Variants in SRPK2 observed in about 807,000 individuals in gnomAD.
SRPK2 encodes the protein SRSF protein kinase 2.
Under a neutral mutation model 90.8 loss-of-function variants are expected in SRPK2, and 21 were observed. The observed-to-expected ratio is 0.23, with a 90% CI of 0.16 to 0.33. SRPK2 has a LOEUF of 0.33. Among genes scored for constraint, SRPK2 ranks in the 10% least tolerant of loss-of-function variants. The pLI, the probability that SRPK2 is intolerant of heterozygous loss-of-function variation, is 1.00. For missense variants in SRPK2, 620 were observed against 869.0 expected, an observed-to-expected ratio of 0.71 and a Z score of 3.60; for synonymous variants, 288 against 311.1, an observed-to-expected ratio of 0.93 and a Z score of 0.78.
chr7:105,353,544 T>TGTTGTTGTTGTA lies in SRPK2; in HGVS notation c.71+35103_71+35104insTACAACAACAAC, dbSNP rs56935575. Among the ~76,000 whole-genome samples the TGTTGTTGTTGTA allele has an allele frequency of 4.1e-4, 62 of 150,324 alleles. No individual in the cohort carries two copies. In the East Asian group the frequency reaches 8.5e-3, roughly 21 times the overall value. ...TTGTTGTTGTTGTTGTTGTTGTTGTTTGGTGGAGACAGGGTTTTGTCACGT... is the reference window on the plus strand; with the variant it reads ...TTGTTGTTGTTGTTGTTGTTGTTGTTGTTGTTGTTGTATGGTGGAGACAGGGTTTTGTCACGT... On this transcript the variant is annotated intron_variant, in intron 2 of 15. Transcript: ENST00000393651.
chr7:105,286,580 T>A (rs1221496383), intron 2 of SRPK2, among the ~76,000 whole-genome samples: 1 of 152,198 alleles, frequency 6.6e-6, no homozygotes, highest in Non-Finnish European at 1.5e-5. Context: ...GCTGTACTGA[T>A]TTACAGACCA....
rs530711122 is a variant in SRPK2, at chr7:105,339,560, G to A, written c.71+49088C>T. 5.9e-5 allele frequency among the ~76,000 whole-genome samples: 9 copies of A among 152,338 alleles called. No individual in the cohort carries two copies. The South Asian group carries it at 1.9e-3, about 32-fold the overall frequency. On this transcript the variant is annotated intron_variant, in intron 2 of 15. Coordinates refer to ENST00000393651, the MANE Select transcript of SRPK2 (RefSeq NM_182692.3). ...GGAACAGCAGTCCTGAACACTGAGT[G>A]ACAATGGTCAATGGCATCTCTCCAA... is the stretch of plus-strand genomic sequence containing the variant.
chr7:105,352,559 T>G (rs190979683), intron 2 of SRPK2, among the ~76,000 whole-genome samples: 1 of 152,252 alleles, frequency 6.6e-6, no homozygotes, highest in South Asian at 2.1e-4. Flanking sequence ...AATGTTGCAT[T>G]AAACCACTAT....
At chr7:105,240,218 C>G (rs1417697472) in intron 2 of SRPK2, among the ~76,000 whole-genome samples, 1 of 152,104 alleles carries the variant, frequency 6.6e-6, no homozygotes, top group African/African-American at 2.4e-5. Context: ...TGCAAGGGGC[C>G]TTTCTCAGTC....
At chr7:105,353,360 G>A (rs1389351428) in intron 2 of SRPK2, among the ~76,000 whole-genome samples, 1 of 150,880 alleles carries the variant, frequency 6.6e-6, no homozygotes, top group Non-Finnish European at 1.5e-5. Context: ...GTTTTTTTTT[G>A]AAACAGTCTC....
At chr7:105,322,211 T>TG (rs1325789294) in intron 2 of SRPK2, among the ~76,000 whole-genome samples, 2 of 152,140 alleles carry the variant, frequency 1.3e-5, no homozygotes, top group African/African-American at 4.8e-5. Flanking sequence ...GGTCAGGAGT[T>TG]GGAGACCCGC....
chr7:105,286,986 G>A (rs1365738296), intron 2 of SRPK2, among the ~76,000 whole-genome samples: 3 of 152,160 alleles, frequency 2.0e-5, no homozygotes, highest in Non-Finnish European at 4.4e-5. Flanking sequence ...TGCAGGCCGG[G>A]CGCGGTGGCT....
At chr7:105,385,290 C>T (rs6952458) in intron 2 of SRPK2, among the ~76,000 whole-genome samples, 63,766 of 148,216 alleles carry the variant, frequency 0.43, 15,420 homozygotes, top group Non-Finnish European at 0.54. Flanking sequence ...ACGCCATTCT[C>T]TCGCCTCAGC....
intron 2 of SRPK2, among the ~76,000 whole-genome samples, chr7:105,274,229 C>CA (rs932166708): frequency 3.0e-4 from 46 of 150,978 alleles, no homozygotes; most frequent in South Asian, 1.1e-3. Flanking sequence ...CTCAAGCCTC[C>CA]AAAAAAAAAT....
At chr7:105,340,323 G>A (rs1003615176) in intron 2 of SRPK2, among the ~76,000 whole-genome samples, 8 of 151,848 alleles carry the variant, frequency 5.3e-5, no homozygotes, top group Non-Finnish European at 1.0e-4. Flanking sequence ...ATTTTTTCAT[G>A]GAGCACCACG....
Position 105,211,507 on chromosome 7 carries a change from G to A in SRPK2, c.72-7722C>T, listed in dbSNP as rs141620317. Among the ~76,000 whole-genome samples the A allele has an allele frequency of 1.3e-3, 203 of 152,240 alleles. 1 individual carries two copies. Among genetic ancestry groups the A allele is most frequent in the African/African-American group, 4.5e-3 (187 of 41,532 alleles). On this transcript the variant is annotated intron_variant, in intron 2 of 15. Transcript: ENST00000393651. ...GCCTCAGGAAACTTACAATCATGGT[G>A]GAAGGCAAAGGGGGTGCAGGCGCAA...
chr7:105,287,877 A>G (rs1808381032), intron 2 of SRPK2, among the ~76,000 whole-genome samples: 2 of 152,240 alleles, frequency 1.3e-5, no homozygotes, highest in Admixed American at 1.3e-4. Flanking sequence ...ACTAAAATGT[A>G]TATTTTAAAT....
At chr7:105,335,571 C>T (rs1176625795) in intron 2 of SRPK2, among the ~76,000 whole-genome samples, 2 of 150,424 alleles carry the variant, frequency 1.3e-5, no homozygotes, top group East Asian at 2.0e-4. Context: ...GTGGGAGGCT[C>T]GACTGAGCCC....
chr7:105,118,025 A>T lies in SRPK2; in HGVS notation c.1916-3T>A, dbSNP rs745730905. On this transcript the variant is annotated splice_region_variant and splice_polypyrimidine_tract_variant and intron_variant, in intron 15 of 15. Transcript: ENST00000393651. ...CTTGGTGATGTGTCGCAGTTCTCCT[A>T]CAGGGGAAAAAACAGGCCAATGTCA... 8.1e-6 allele frequency: 13 copies of T among 1,612,748 alleles called. No homozygotes were observed. The highest frequency in any genetic ancestry group is 1.1e-5 in the Non-Finnish European group (13 of 1,178,990).
rs1563051475 is a variant in SRPK2 at position 105,184,054 on chromosome 7, C to A, written c.230-14789G>T. Among the ~76,000 whole-genome samples the A allele has an allele frequency of 2.1e-5, 3 of 142,404 alleles. No homozygotes were observed. In the East Asian group the frequency reaches 6.3e-4, roughly 30 times the overall value. 93.4% of individuals were successfully genotyped at this position (142,404 alleles called of 152,430 possible). ...GTAGTGGCATGATCCCAGCTCACTGCAACCTCCGCCTCCCAGGTTCAAGCC... is the reference window on the plus strand; with the variant it reads ...GTAGTGGCATGATCCCAGCTCACTGAAACCTCCGCCTCCCAGGTTCAAGCC... On this transcript the variant is annotated intron_variant, in intron 3 of 15. Transcript: ENST00000393651.
chr7:105,171,177 A>C (rs1791092580), intron 3 of SRPK2, among the ~76,000 whole-genome samples: 1 of 152,098 alleles, frequency 6.6e-6, no homozygotes, highest in African/African-American at 2.4e-5. Context: ...TGCCTCACTG[A>C]TATCTGGCAT....
chr7:105,333,118 C>A (rs564321202), intron 2 of SRPK2, among the ~76,000 whole-genome samples: 1 of 151,854 alleles, frequency 6.6e-6, no homozygotes, highest in African/African-American at 2.4e-5. Flanking sequence ...AGCTTGAACC[C>A]GGGTGGCGGA....
intron 2 of SRPK2, among the ~76,000 whole-genome samples, chr7:105,313,166 C>T (rs906911801): frequency 3.3e-5 from 5 of 151,380 alleles, no homozygotes; most frequent in Non-Finnish European, 7.4e-5. Flanking sequence ...TTTTAAATTA[C>T]CAGGTGCAGT....
intron 2 of SRPK2, among the ~76,000 whole-genome samples, chr7:105,386,760 A>C (rs534727832): frequency 6.6e-6 from 1 of 152,348 alleles, no homozygotes; most frequent in East Asian, 1.9e-4. Context: ...TCAAAGAGTT[A>C]AGTGAAAAAT....
Sources: gnomAD v4.1 joint callset for allele counts (sites outside exome capture counted in the v4.1 genomes callset) on GRCh38, gnomAD v4.1.1 for gene constraint, MANE v1.5 for transcripts, NCBI Gene and HGNC (gene_info 2026-07-23, HGNC 2026-07-21) for gene names.